PDE4D: variants seen among roughly 807,000 people sequenced by gnomAD.
PDE4D encodes 3',5'-cyclic-AMP phosphodiesterase 4D.
In PDE4D, 24 loss-of-function variants were observed where a neutral mutation model predicts 87.4. The observed-to-expected ratio is 0.27, with a 90% confidence interval of 0.20 to 0.39. The LOEUF (loss-of-function observed/expected upper bound fraction) is 0.39, where lower values mean the gene tolerates loss of function less well. Among genes scored for constraint, PDE4D ranks in the 10% least tolerant of loss-of-function variants. The pLI is 1.00. For missense variants in PDE4D, 714 were observed against 1,041.0 expected (o/e 0.69, Z 4.32); for synonymous variants, 384 against 383.2 (o/e 1.00, Z -0.02).
rs75941954 is a variant in PDE4D at position 59,807,114 on chromosome 5, A to G, written c.455+86054T>C. 1.4e-3 allele frequency among the ~76,000 whole-genome samples: 216 copies of G among 152,184 alleles called. 1 individual carries two copies. Among genetic ancestry groups the G allele is most frequent in the African/African-American group, 4.9e-3 (203 of 41,528 alleles). On this transcript the variant is annotated intron_variant, in intron 1 of 14. Transcript: ENST00000340635. ...CTTTCTGGCCAGCACTGTGAGATCA[A>G]TGCTCCAGGGCATTGGGTTCTAAGC...
rs1271152872 is a variant in PDE4D at position 59,668,895 on chromosome 5, AAGAAGAAGAAGAAGAAGAAGAAG to A, written c.455+224250_455+224272del. Among the ~76,000 whole-genome samples the A allele has an allele frequency of 1.3e-4, 10 of 78,632 alleles. No homozygotes were observed. The East Asian group carries it at 0.011, about 84-fold the overall frequency. 51.6% of individuals were successfully genotyped at this position (78,632 alleles called of 152,430 possible). A position where few individuals can be genotyped will look rare whatever the true frequency, so the allele number is the denominator to read the frequency against. ...GAAGAAGAAGAAGAAGAAGAAGAAG[AAGAAGAAGAAGAAGAAGAAGAAG>A]AAGAAAGAAAGAAAGAATTAGTTCA... On this transcript the variant is annotated intron_variant, in intron 1 of 14. Transcript: ENST00000340635.
intron 1 of PDE4D, among the ~76,000 whole-genome samples, chr5:59,507,318 T>C (rs1809436472): frequency 6.6e-6 from 1 of 151,544 alleles, no homozygotes; most frequent in Non-Finnish European, 1.5e-5. Context: ...GGCAAAGCAG[T>C]GGAACTCTTT....
At chr5:60,065,270 CGTGTGTGT>C (rs10606448) in intron 2 of PDE4D, among the ~76,000 whole-genome samples, 19 of 148,838 alleles carry the variant, frequency 1.3e-4, no homozygotes, top group African/African-American at 3.2e-4. Context: ...GTGTGTGTGT[CGTGTGTGT>C]GTGTGTGTGT....
chr5:60,069,655 T>C (rs1330948133), intron 2 of PDE4D, among the ~76,000 whole-genome samples: 1 of 152,102 alleles, frequency 6.6e-6, no homozygotes, highest in Non-Finnish European at 1.5e-5. Context: ...TCAAGATTGA[T>C]TTGGTTATTT....
intron 1 of PDE4D, among the ~76,000 whole-genome samples, chr5:60,236,193 T>C (rs2149641952): frequency 6.6e-6 from 1 of 152,084 alleles, no homozygotes; most frequent in Middle Eastern, 3.4e-3. Flanking sequence ...GATGAGTTCT[T>C]ATACAGAATG....
chr5:59,171,865 AT>A (rs1782832564), intron 5 of PDE4D, among the ~76,000 whole-genome samples: 2 of 123,040 alleles, frequency 1.6e-5, no homozygotes, highest in Non-Finnish European at 3.2e-5. Context: ...AAACATATAT[AT>A]TTATATGAGA....
chr5:59,276,160 A>C (rs900209483), intron 1 of PDE4D: 6 of 978,874 alleles, frequency 6.1e-6, no homozygotes, highest in Non-Finnish European at 7.3e-6. Flanking sequence ...CCCAGCGCCC[A>C]GCCTAGCCTC....
chr5:60,018,083 T>C (rs1355763824), intron 2 of PDE4D, among the ~76,000 whole-genome samples: 1 of 152,098 alleles, frequency 6.6e-6, no homozygotes, highest in Non-Finnish European at 1.5e-5. Flanking sequence ...CTGTTGGCTG[T>C]ATGTATGTCT....
At chr5:59,418,715 C>A (rs1478801074) in intron 1 of PDE4D, among the ~76,000 whole-genome samples, 1 of 152,152 alleles carries the variant, frequency 6.6e-6, no homozygotes, top group East Asian at 1.9e-4. Context: ...GTGGCACGAT[C>A]TCAGCTCACT....
rs188695824 is a variant in PDE4D at position 59,278,405 on chromosome 5, G to A, written c.456-62437C>T. On this transcript the variant is annotated intron_variant, in intron 1 of 14. Transcript: ENST00000340635. ...CCCATGCTTTTGATCCAGAAGCTGC[G>A]ATTATTTCTCAGTATTTCCCTGTTG... is the stretch of plus-strand genomic sequence containing the variant. Among the ~76,000 whole-genome samples, 21 of 152,144 alleles carry A rather than the reference G, an allele frequency of 1.4e-4. No homozygotes were observed. In the East Asian group the frequency reaches 2.9e-3, roughly 21 times the overall value.
At chr5:60,390,247 T>C (rs1201300380) in intron 1 of PDE4D, among the ~76,000 whole-genome samples, 1 of 152,142 alleles carries the variant, frequency 6.6e-6, no homozygotes, top group East Asian at 1.9e-4. Flanking sequence ...TTTAGGGGGA[T>C]AGTGGTGGTG....
intron 1 of PDE4D, among the ~76,000 whole-genome samples, chr5:59,515,372 G>C (rs1024340546): frequency 6.6e-6 from 1 of 152,182 alleles, no homozygotes; most frequent in Admixed American, 6.5e-5. Context: ...ACTGAACCAA[G>C]ATCTTCCTTT....
chr5:59,326,210 A>G (rs1332407750), intron 1 of PDE4D, among the ~76,000 whole-genome samples: 1 of 152,112 alleles, frequency 6.6e-6, no homozygotes, highest in Non-Finnish European at 1.5e-5. Context: ...TGGCACATGT[A>G]TACATATGTA....
intron 1 of PDE4D, among the ~76,000 whole-genome samples, chr5:60,376,240 T>C (rs2149995408): frequency 6.6e-6 from 1 of 152,324 alleles, no homozygotes; most frequent in East Asian, 1.9e-4. Flanking sequence ...GAGCACTAAA[T>C]GGTGATAAAC....
intron 1 of PDE4D, among the ~76,000 whole-genome samples, chr5:60,274,008 A>C (rs1289968112): frequency 6.6e-6 from 1 of 152,182 alleles, no homozygotes; most frequent in Non-Finnish European, 1.5e-5. Flanking sequence ...CATTGGTCTC[A>C]GGGCATCAGG....
intron 5 of PDE4D, among the ~76,000 whole-genome samples, chr5:59,071,462 A>T (rs1350113468): frequency 6.8e-6 from 1 of 148,118 alleles, no homozygotes; most frequent in African/African-American, 2.5e-5. Context: ...TCCTCAATTT[A>T]CCTTTCAACC....
At chr5:60,086,905 T>C (rs1431308926) in intron 2 of PDE4D, among the ~76,000 whole-genome samples, 2 of 152,198 alleles carry the variant, frequency 1.3e-5, no homozygotes, top group Non-Finnish European at 2.9e-5. Context: ...GACTGGATGA[T>C]GCCATAGTGC....
At chr5:59,311,077 C>G (rs528229152) in intron 1 of PDE4D, among the ~76,000 whole-genome samples, 1 of 152,104 alleles carries the variant, frequency 6.6e-6, no homozygotes, top group East Asian at 1.9e-4. Context: ...AGGTGCAGGA[C>G]AGATTACCAT....
intron 1 of PDE4D, among the ~76,000 whole-genome samples, chr5:59,281,461 C>G (rs1376603067): frequency 3.3e-5 from 5 of 152,146 alleles, no homozygotes; most frequent in Admixed American, 2.0e-4. Flanking sequence ...CTATGTTTAT[C>G]TAAGCATACG....
Sources: gnomAD v4.1 joint callset for allele counts (sites outside exome capture counted in the v4.1 genomes callset) on GRCh38, gnomAD v4.1.1 for gene constraint, MANE v1.5 for transcripts, NCBI Gene and HGNC (gene_info 2026-07-23, HGNC 2026-07-21) for gene names.